Variants in CBLB observed in about 807,000 individuals in gnomAD.
The protein encoded by CBLB is Cbl proto-oncogene B.
In CBLB, 31 loss-of-function variants were observed where a neutral mutation model predicts 104.9. The ratio of observed to expected loss-of-function variants is 0.30; its 90% CI spans 0.22 to 0.40. The LOEUF (loss-of-function observed/expected upper bound fraction) is 0.40. Ranked by LOEUF, CBLB falls within the 10% of genes least tolerant of loss-of-function variation. The pLI, the probability that CBLB is intolerant of heterozygous loss-of-function variation, is 1.00. For missense variants in CBLB, 1,062 were observed against 1,214.6 expected (o/e 0.87, Z 1.87); for synonymous variants, 440 against 422.6 (o/e 1.04, Z -0.51).
intron 18 of CBLB, among the ~76,000 whole-genome samples, chr3:105,665,296 T>C (rs866892935): frequency 3.3e-5 from 5 of 151,300 alleles, no homozygotes; most frequent in Admixed American, 6.6e-5. Context: ...AACAGGAGAA[T>C]TGCTTGAACC....
chr3:105,719,476 TAAG>T, intron 10 of CBLB, among the ~76,000 whole-genome samples: 1 of 152,120 alleles, frequency 6.6e-6, no homozygotes, highest in South Asian at 2.1e-4. Flanking sequence ...GGTGATCCTA[TAAG>T]ATTATAATGA....
At position 105,794,777 on chromosome 3, in the gene CBLB, TA is replaced by T. The variant is rs200977572; in HGVS notation, c.420-18236del. 2.4e-4 allele frequency among the ~76,000 whole-genome samples: 37 copies of T among 152,296 alleles called. No homozygotes were observed. The East Asian group carries it at 6.7e-3, about 28-fold the overall frequency. On this transcript the variant is annotated intron_variant, in intron 3 of 18. Coordinates refer to ENST00000394030, the MANE Select transcript of CBLB (RefSeq NM_170662.5). ...CCACATAAATACATAAAACTACATT[TA>T]AAAATATATACATACATTCTACCAA... is the stretch of plus-strand genomic sequence containing the variant.
intron 10 of CBLB, among the ~76,000 whole-genome samples, chr3:105,715,781 G>A (rs990003318): frequency 1.3e-5 from 2 of 152,208 alleles, no homozygotes; most frequent in Admixed American, 1.3e-4. Context: ...GCTCATGCCT[G>A]TAATCCCAGC....
chr3:105,860,542 G>GAACC (rs2092003188), intron 2 of CBLB, among the ~76,000 whole-genome samples: 1 of 152,152 alleles, frequency 6.6e-6, no homozygotes, highest in Non-Finnish European at 1.5e-5. Context: ...CTTGGGCAGG[G>GAACC]TTCTTCTTCG....
At chr3:105,857,674 T>G (rs1347587423) in intron 2 of CBLB, among the ~76,000 whole-genome samples, 2 of 152,216 alleles carry the variant, frequency 1.3e-5, no homozygotes, top group Non-Finnish European at 2.9e-5. Context: ...TCATTTACAT[T>G]TTTATTTTAT....
intron 2 of CBLB, among the ~76,000 whole-genome samples, chr3:105,858,450 A>T (rs1219698135): frequency 1.3e-5 from 2 of 152,216 alleles, no homozygotes; most frequent in Non-Finnish European, 1.5e-5. Flanking sequence ...TCAAGTTCAG[A>T]TTCAAATGGT....
Position 105,867,584 on chromosome 3 carries a change from T to C in CBLB, c.-7A>G. Reference sequence around the variant, plus strand: ...CATTCATTGAGTTTGCCATCTGGAATTTTAGTTCTTTAAAAGGCAGATTTA... The same window carrying C: ...CATTCATTGAGTTTGCCATCTGGAACTTTAGTTCTTTAAAAGGCAGATTTA... On this transcript the variant is annotated 5_prime_UTR_variant, in exon 2 of 19. Transcript: ENST00000394030. 6.2e-7 allele frequency: 1 copy of C among 1,614,054 alleles called. No homozygotes were observed. Among genetic ancestry groups the C allele is most frequent in the Non-Finnish European group, 8.5e-7 (1 of 1,179,904 alleles).
intron 3 of CBLB, among the ~76,000 whole-genome samples, chr3:105,828,643 G>C (rs1304978219): frequency 6.6e-6 from 1 of 152,058 alleles, no homozygotes; most frequent in Non-Finnish European, 1.5e-5. Context: ...AAATAAATAT[G>C]CACTAATAAG....
chr3:105,691,522 A>G (rs547973926), intron 13 of CBLB, among the ~76,000 whole-genome samples: 5 of 152,240 alleles, frequency 3.3e-5, no homozygotes. Context: ...TCGCTTGCCA[A>G]TATGAATTTA....
intron 14 of CBLB, 197 bp from the exon 15 acceptor site, chr3:105,682,015 C>T: frequency 1.8e-6 from 1 of 554,706 alleles, no homozygotes; most frequent in Middle Eastern, 4.9e-4. Context: ...TCTCAAGTAA[C>T]ACAGTCTCTC....
intron 10 of CBLB, among the ~76,000 whole-genome samples, chr3:105,706,441 A>ACAG (rs2070151832): frequency 6.6e-6 from 1 of 152,200 alleles, no homozygotes; most frequent in Non-Finnish European, 1.5e-5. Flanking sequence ...TGACTTGAGT[A>ACAG]CAGCCAGTGA....
chr3:105,683,017 G>A (rs1004720268), intron 14 of CBLB, among the ~76,000 whole-genome samples: 12 of 64,618 alleles, frequency 1.9e-4, no homozygotes, highest in East Asian at 8.9e-4. Flanking sequence ...GTAAAAGTGC[G>A]TATGTAATGG....
rs778405917 is a variant in CBLB at position 105,658,983 on chromosome 3, C to T, written c.2936G>A (p.Arg979His). The change falls in exon 19 of 19, where the codon CGT becomes CAT. Residue 979 changes from arginine to histidine, a missense_variant. Arg to His is a conservative substitution (Grantham distance 29). Around this residue, in one of 2 missense-constraint regions of CBLB, gnomAD observed 605 missense variants for 582.6 expected, o/e 1.04. Coordinates refer to ENST00000394030, the MANE Select transcript of CBLB (RefSeq NM_170662.5). ...EFAFPPPVSP[R>H]LNL is the part of the protein sequence containing the mutation. ...CAGTTCTGGCTGCTATAGATTTAGA[C>T]GTGGGGATACTGGAGGAGGGAAGGC... 52 of 1,613,646 alleles carry T rather than the reference C, an allele frequency of 3.2e-5. No homozygotes were observed. The East Asian group carries it at 3.3e-4, about 10-fold the overall frequency.
At chr3:105,677,619 T>G (rs2065812766) in intron 17 of CBLB, among the ~76,000 whole-genome samples, 2 of 151,794 alleles carry the variant, frequency 1.3e-5, no homozygotes, top group African/African-American at 4.8e-5. Flanking sequence ...ACAGTATCAC[T>G]AACAAGACAG....
At chr3:105,691,373 A>G (rs1559837339) in intron 13 of CBLB, among the ~76,000 whole-genome samples, 1 of 152,242 alleles carries the variant, frequency 6.6e-6, no homozygotes, top group African/African-American at 2.4e-5. Flanking sequence ...GGGAGAAAGT[A>G]TGACTAATTT....
Position 105,745,904 on chromosome 3 carries a change from TAA to T in CBLB, c.845+11_845+12del. 6.2e-7 allele frequency: 1 copy of T among 1,609,728 alleles called. No individual in the cohort carries two copies. Among genetic ancestry groups the T allele is most frequent in the Non-Finnish European group, 8.5e-7 (1 of 1,176,264 alleles). The stretch of plus-strand genomic sequence containing the variant: ...TGGATATATCACATAATATTACTGC[TAA>T]AAAGTCTTACCTTCCGGGTTTGGTG... On this transcript the variant is annotated intron_variant, in intron 6 of 18. Transcript: ENST00000394030.
intron 4 of CBLB, among the ~76,000 whole-genome samples, chr3:105,754,088 C>G (rs1263911381): frequency 6.6e-6 from 1 of 152,046 alleles, no homozygotes; most frequent in East Asian, 1.9e-4. Flanking sequence ...ACAGATAACC[C>G]TCATTTGATC....
chr3:105,764,666 A>G (rs762997125), intron 4 of CBLB, among the ~76,000 whole-genome samples: 65 of 152,216 alleles, frequency 4.3e-4, no homozygotes, highest in Non-Finnish European at 5.9e-4. Flanking sequence ...ACAAGTCTCT[A>G]ATTATGGACA....
rs2075042936 is a variant in CBLB, at chr3:105,737,163, AT to A, written c.1071+7del. Reference sequence around the variant, plus strand: ...ATTTAATTATACTTTTCTAGCAATTATCCTTACCTGTGTAACTTTTATATGG... The same window carrying A: ...ATTTAATTATACTTTTCTAGCAATTACCTTACCTGTGTAACTTTTATATGG... On this transcript the variant is annotated splice_region_variant and intron_variant, in intron 8 of 18. Transcript: ENST00000394030. The A allele has an allele frequency of 6.9e-7, 1 of 1,456,794 alleles. No homozygotes were observed. The highest frequency in any genetic ancestry group is 1.7e-5 in the Admixed American group (1 of 58,782). The allele number at this position is 1,456,794 out of a possible 1,614,324, so 90.2% of individuals were successfully genotyped here.
Sources: gnomAD v4.1 joint callset for allele counts (sites outside exome capture counted in the v4.1 genomes callset) on GRCh38, gnomAD v4.1.1 for gene constraint, gnomAD v4.1.1 regional missense constraint, MANE v1.5 for transcripts, NCBI Gene and HGNC (gene_info 2026-07-23, HGNC 2026-07-21) for gene names.